Variants in CPQ observed in about 807,000 individuals in gnomAD.
The protein encoded by CPQ is carboxypeptidase Q.
Under a neutral mutation model 45.7 loss-of-function variants are expected in CPQ, and 37 were observed. The observed-to-expected ratio is 0.81, with a 90% CI of 0.62 to 1.07. CPQ has a LOEUF of 1.07. Ranked by LOEUF, CPQ falls within the 50% of genes least tolerant of loss-of-function variation. The probability of loss-of-function intolerance (pLI) is 0.00; values close to 1 mark genes in which losing one functional copy is unlikely to be tolerated. For synonymous variants in CPQ, 186 were observed against 205.8 expected (o/e 0.90, Z 0.82); for missense variants, 537 against 572.9 (o/e 0.94, Z 0.64).
At chr8:96,825,216 G>A (rs1468184098) in intron 2 of CPQ, among the ~76,000 whole-genome samples, 1 of 151,846 alleles carries the variant, frequency 6.6e-6, no homozygotes, top group East Asian at 1.9e-4. Flanking sequence ...TTGTGCCTGG[G>A]GCTTCTGAAA....
At position 96,796,169 on chromosome 8, in the gene CPQ, T is replaced by C. The variant is rs115613928; in HGVS notation, c.433+10839T>C. 7.3e-3 allele frequency among the ~76,000 whole-genome samples: 1,115 copies of C among 152,284 alleles called. 8 individuals carry two copies. The highest frequency in any genetic ancestry group is 0.023 in the African/African-American group (941 of 41,572). On this transcript the variant is annotated intron_variant, in intron 2 of 7. Transcript: ENST00000220763. ...AACCCTGCACCTTCACCTGCATGGG[T>C]ATTTTTTCCTAATCTTTGCCAATTT...
intron 1 of CPQ, among the ~76,000 whole-genome samples, chr8:96,687,203 CT>C (rs1250451450): frequency 6.7e-6 from 1 of 148,282 alleles, no homozygotes; most frequent in South Asian, 2.1e-4. Flanking sequence ...CTCTTCTTTT[CT>C]TTTTTTCTTT....
intron 2 of CPQ, among the ~76,000 whole-genome samples, chr8:96,792,239 A>G (rs1029176208): frequency 2.6e-5 from 4 of 152,196 alleles, no homozygotes; most frequent in African/African-American, 9.6e-5. Flanking sequence ...AGAAAGCACA[A>G]TCTCCAATCA....
At chr8:97,085,395 A>G (rs889369674) in intron 7 of CPQ, among the ~76,000 whole-genome samples, 2 of 151,824 alleles carry the variant, frequency 1.3e-5, no homozygotes, top group African/African-American at 4.8e-5. Context: ...AAAAAAAAAA[A>G]ACCAAAAACA....
chr8:96,889,678 G>A (rs922069050), intron 4 of CPQ, among the ~76,000 whole-genome samples: 1 of 152,168 alleles, frequency 6.6e-6, no homozygotes, highest in Non-Finnish European at 1.5e-5. Flanking sequence ...CCTTCAGTCT[G>A]TGGCCAAAGG....
At chr8:96,986,924 C>A (rs560792657) in intron 5 of CPQ, among the ~76,000 whole-genome samples, 1 of 152,098 alleles carries the variant, frequency 6.6e-6, no homozygotes, top group East Asian at 1.9e-4. Context: ...ATATTGAAAT[C>A]TGGGGAATAT....
At chr8:96,656,130 A>G (rs1477962111) in intron 1 of CPQ, among the ~76,000 whole-genome samples, 1 of 152,216 alleles carries the variant, frequency 6.6e-6, no homozygotes, top group Admixed American at 6.5e-5. Context: ...CTGGAATAAC[A>G]GGCATAAGCC....
At chr8:97,025,807 T>C (rs2130463800) in intron 5 of CPQ, among the ~76,000 whole-genome samples, 1 of 152,362 alleles carries the variant, frequency 6.6e-6, no homozygotes, top group South Asian at 2.1e-4. Context: ...GGATTTAAGA[T>C]ACACAATAAG....
At chr8:96,666,762 C>T (rs1017132790) in intron 1 of CPQ, among the ~76,000 whole-genome samples, 3 of 152,166 alleles carry the variant, frequency 2.0e-5, no homozygotes, top group African/African-American at 7.2e-5. Flanking sequence ...ATGTATTGCT[C>T]CCGGGCTTGA....
chr8:96,790,388 G>T (rs1366796521), intron 2 of CPQ, among the ~76,000 whole-genome samples: 1 of 152,096 alleles, frequency 6.6e-6, no homozygotes, highest in East Asian at 1.9e-4. Context: ...CTGAGAAAGG[G>T]GTGATCAGAG....
intron 2 of CPQ, among the ~76,000 whole-genome samples, chr8:96,794,830 T>A (rs1216150893): frequency 6.6e-6 from 1 of 152,144 alleles, no homozygotes; most frequent in Non-Finnish European, 1.5e-5. Context: ...ATGCCACCAC[T>A]CTCTTTGCTA....
intron 1 of CPQ, among the ~76,000 whole-genome samples, chr8:96,690,499 G>A (rs2130736690): frequency 6.6e-6 from 1 of 152,166 alleles, no homozygotes; most frequent in Non-Finnish European, 1.5e-5. Context: ...GCTTTCTTTA[G>A]TGCCAAGTTG....
At position 96,877,105 on chromosome 8, in the gene CPQ, C is replaced by T. The variant is rs538665132; in HGVS notation, c.642-2693C>T. Among the ~76,000 whole-genome samples, 44 of 152,134 alleles carry T rather than the reference C, an allele frequency of 2.9e-4. 1 individual carries two copies. Among genetic ancestry groups the T allele is most frequent in the Admixed American group, 1.2e-3 (19 of 15,270 alleles). ...AAGGGGCTTGTAAATGGGGACAGGA[C>T]GGTGGTGTTTGTGCTGATTGGTCCC... On this transcript the variant is annotated intron_variant, in intron 3 of 7. Coordinates refer to ENST00000220763, the MANE Select transcript of CPQ (RefSeq NM_016134.4).
chr8:96,652,024 AAC>A (rs780605141), intron 1 of CPQ, among the ~76,000 whole-genome samples: 17 of 152,242 alleles, frequency 1.1e-4, no homozygotes, highest in Non-Finnish European at 1.9e-4. Flanking sequence ...TGAAATATAC[AAC>A]ACAGTATAAT....
intron 2 of CPQ, among the ~76,000 whole-genome samples, chr8:96,808,943 A>G (rs1193644357): frequency 6.6e-6 from 1 of 152,196 alleles, no homozygotes; most frequent in Non-Finnish European, 1.5e-5. Context: ...AATGTCAACT[A>G]GGACTGTTTT....
At chr8:96,824,325 G>T (rs550671590) in intron 2 of CPQ, among the ~76,000 whole-genome samples, 1 of 152,098 alleles carries the variant, frequency 6.6e-6, no homozygotes, top group South Asian at 2.1e-4. Context: ...ATCATATAGG[G>T]ACATAAGGAT....
intron 4 of CPQ, among the ~76,000 whole-genome samples, chr8:96,920,160 T>C (rs1170122121): frequency 6.6e-6 from 1 of 152,146 alleles, no homozygotes; most frequent in Admixed American, 6.6e-5. Flanking sequence ...TTGATGATTG[T>C]CTGAAATAAC....
At chr8:96,781,580 A>C (rs1218593394) in intron 1 of CPQ, among the ~76,000 whole-genome samples, 1 of 152,216 alleles carries the variant, frequency 6.6e-6, no homozygotes, top group Non-Finnish European at 1.5e-5. Flanking sequence ...TGGAGGGACA[A>C]AAGTTAAACC....
intron 7 of CPQ, among the ~76,000 whole-genome samples, chr8:97,137,630 T>C (rs1339355433): frequency 2.0e-5 from 3 of 152,212 alleles, no homozygotes; most frequent in Non-Finnish European, 4.4e-5. Context: ...TGTGAGTTCA[T>C]GGCATAAAGT....
Sources: gnomAD v4.1 joint callset for allele counts (sites outside exome capture counted in the v4.1 genomes callset) on GRCh38, gnomAD v4.1.1 for gene constraint, MANE v1.5 for transcripts, NCBI Gene and HGNC (gene_info 2026-07-23, HGNC 2026-07-21) for gene names.